Variants in UBXN2A observed in about 807,000 individuals in gnomAD.
UBXN2A encodes the protein UBX domain protein 2A.
A neutral mutation model predicts 28.4 loss-of-function variants in UBXN2A; 28 were observed. The observed-to-expected ratio is 0.99, with a 90% CI of 0.73 to 1.35. The LOEUF is 1.35. Ranked by LOEUF, UBXN2A falls within the 40% of genes most tolerant of loss-of-function variation. The pLI, the probability that UBXN2A is intolerant of heterozygous loss-of-function variation, is 0.00. For missense variants in UBXN2A, 253 were observed against 297.9 expected, an observed-to-expected ratio of 0.85 and a Z score of 1.11; for synonymous variants, 97 against 103.6, an observed-to-expected ratio of 0.94 and a Z score of 0.39.
intron 6 of UBXN2A, among the ~76,000 whole-genome samples, chr2:23,991,500 T>G (rs1708352142): frequency 6.6e-6 from 1 of 152,044 alleles, no homozygotes. Context: ...ATGGAGTCTC[T>G]CTCTGTTGCC....
chr2:23,954,952 G>C (rs1250962269), intron 1 of UBXN2A, among the ~76,000 whole-genome samples: 1 of 51,100 alleles, frequency 2.0e-5, no homozygotes, highest in Non-Finnish European at 3.9e-5. Flanking sequence ...TTTTTTTTTT[G>C]AAACAGAGTC....
chr2:23,985,139 T>G (rs1373161569), intron 6 of UBXN2A, among the ~76,000 whole-genome samples: 1 of 152,166 alleles, frequency 6.6e-6, no homozygotes, highest in Non-Finnish European at 1.5e-5. Flanking sequence ...AGTCTCACTG[T>G]GTTGCCCACA....
chr2:23,987,087 T>G (rs1708161557), intron 6 of UBXN2A, among the ~76,000 whole-genome samples: 1 of 150,772 alleles, frequency 6.6e-6, no homozygotes, highest in African/African-American at 2.4e-5. Context: ...AGCAAGACCC[T>G]GTCTCAAAAG....
intron 6 of UBXN2A, among the ~76,000 whole-genome samples, chr2:23,994,797 T>C (rs1003070069): frequency 3.3e-5 from 5 of 152,260 alleles, no homozygotes; most frequent in Non-Finnish European, 5.9e-5. Flanking sequence ...ATACCTATGC[T>C]TCTATCAGAC....
chr2:23,966,456 CT>C lies in UBXN2A; in HGVS notation c.42-4806del, dbSNP rs79851837. Among the ~76,000 whole-genome samples, 201 of 122,798 alleles carry C rather than the reference CT, an allele frequency of 1.6e-3. 1 individual carries two copies. The highest frequency in any genetic ancestry group is 2.3e-3 in the African/African-American group (76 of 32,982). 80.6% of individuals were successfully genotyped at this position (122,798 alleles called of 152,430 possible). A position where few individuals can be genotyped will look rare whatever the true frequency, so the allele number is the denominator to read the frequency against. Reference sequence around the variant, plus strand: ...GGCCTGGTAGATATTTTCTTTTTTTCTTTTTTTTTTTTTTGAGACAGAGTCT... The same window carrying C: ...GGCCTGGTAGATATTTTCTTTTTTTCTTTTTTTTTTTTTGAGACAGAGTCT... On this transcript the variant is annotated intron_variant, in intron 2 of 6. Transcript: ENST00000309033.
At chr2:23,948,402 GC>G (rs1185268327) in intron 1 of UBXN2A, among the ~76,000 whole-genome samples, 1 of 150,810 alleles carries the variant, frequency 6.6e-6, no homozygotes, top group Non-Finnish European at 1.5e-5. Context: ...ACAGGCATGC[GC>G]CACCATGCCT....
At chr2:23,974,243 T>G (rs923853796) in intron 3 of UBXN2A, among the ~76,000 whole-genome samples, 1 of 150,660 alleles carries the variant, frequency 6.6e-6, no homozygotes, top group African/African-American at 2.4e-5. Context: ...GGTCTTGATC[T>G]CCTGACCTCG....
intron 1 of UBXN2A, among the ~76,000 whole-genome samples, chr2:23,934,297 A>G (rs1226061087): frequency 1.3e-5 from 2 of 152,268 alleles, no homozygotes; most frequent in African/African-American, 4.8e-5. Context: ...AATTTCAAAA[A>G]TTAAAAATTC....
chr2:23,960,802 T>G (rs1172876541), intron 2 of UBXN2A, among the ~76,000 whole-genome samples: 1 of 151,852 alleles, frequency 6.6e-6, no homozygotes. Context: ...TCAGCTAAGT[T>G]TTTTGTATTT....
chr2:23,948,254 C>CTTTTTTTTTTTT (rs60805838), intron 1 of UBXN2A, among the ~76,000 whole-genome samples: 2 of 129,170 alleles, frequency 1.5e-5, no homozygotes, highest in African/African-American at 2.8e-5. Flanking sequence ...TTTTCTTTTT[C>CTTTTTTTTTTTT]TTTTTTTTTT....
intron 1 of UBXN2A, among the ~76,000 whole-genome samples, chr2:23,945,117 C>T (rs1377125341): frequency 6.6e-6 from 1 of 151,934 alleles, no homozygotes; most frequent in Non-Finnish European, 1.5e-5. Context: ...CATAAGATAA[C>T]ATTTCAGTAT....
At chr2:23,950,939 A>G (rs1452578969) in intron 1 of UBXN2A, among the ~76,000 whole-genome samples, 1 of 150,404 alleles carries the variant, frequency 6.6e-6, no homozygotes, top group Non-Finnish European at 1.5e-5. Flanking sequence ...TTGGCCTCCC[A>G]AAGTGCTAGG....
intron 6 of UBXN2A, among the ~76,000 whole-genome samples, chr2:23,985,875 C>A (rs1458796858): frequency 6.6e-6 from 1 of 151,986 alleles, no homozygotes; most frequent in African/African-American, 2.4e-5. Context: ...GATGCACATC[C>A]GTAGTCCCAG....
chr2:23,929,308 C>T (rs1415807481), intron 1 of UBXN2A, among the ~76,000 whole-genome samples: 2 of 151,956 alleles, frequency 1.3e-5, no homozygotes, highest in South Asian at 4.2e-4. Context: ...GACTGAGGCG[C>T]CATCAGTCAC....
intron 6 of UBXN2A, among the ~76,000 whole-genome samples, chr2:23,990,847 T>G (rs961572736): frequency 6.6e-6 from 1 of 151,916 alleles, no homozygotes; most frequent in African/African-American, 2.4e-5. Flanking sequence ...AATGTAGAGA[T>G]AAAGCTATAG....
intron 1 of UBXN2A, among the ~76,000 whole-genome samples, chr2:23,950,501 T>G (rs1029265898): frequency 1.3e-5 from 2 of 151,986 alleles, no homozygotes; most frequent in African/African-American, 2.4e-5. Context: ...ACTCCTGGGT[T>G]CCAGCAATTC....
At chr2:23,982,465 A>G (rs1340576985) in intron 4 of UBXN2A, among the ~76,000 whole-genome samples, 3 of 152,010 alleles carry the variant, frequency 2.0e-5, no homozygotes. Context: ...GTCATCAAGT[A>G]TTTCATGACT....
In UBXN2A at chr2:23,929,964, C is replaced by T. The variant is rs1001689339; in HGVS notation, c.-138+2349C>T. ...AGTACAGTGGTACTATCTGGGCTCA[C>T]TGCAACCTCCGCCTCCCAGGTTCAA... On this transcript the variant is annotated intron_variant, in intron 1 of 7. Coordinates refer to the UBXN2A transcript ENST00000404924. Among the ~76,000 whole-genome samples the T allele has an allele frequency of 2.0e-5, 3 of 152,162 alleles. No homozygotes were observed. The East Asian group carries it at 5.8e-4, about 29-fold the overall frequency.
chr2:23,958,250 T>C (rs1706729694), intron 1 of UBXN2A, 51 bp from the exon 2 acceptor site: 1 of 1,484,576 alleles, frequency 6.7e-7, no homozygotes, highest in Admixed American at 2.1e-5. Flanking sequence ...AACTTACATA[T>C]TAAGCTTTTT....
Sources: gnomAD v4.1 joint callset for allele counts (sites outside exome capture counted in the v4.1 genomes callset) on GRCh38, gnomAD v4.1.1 for gene constraint, MANE v1.5 for transcripts, NCBI Gene and HGNC (gene_info 2026-07-23, HGNC 2026-07-21) for gene names.